WDFY2: variants seen among roughly 807,000 people sequenced by gnomAD.
WDFY2 encodes WD repeat and FYVE domain-containing protein 2.
In WDFY2, 36 loss-of-function variants were observed where a neutral mutation model predicts 56.4. That is an observed-to-expected ratio of 0.64 (90% CI 0.49 to 0.84). WDFY2 has a LOEUF of 0.84. WDFY2 is among the 40% of genes least tolerant of loss of function. WDFY2 has a pLI of 0.00. For synonymous variants in WDFY2, 176 were observed against 183.7 expected, an observed-to-expected ratio of 0.96 and a Z score of 0.34; for missense variants, 444 against 512.2, an observed-to-expected ratio of 0.87 and a Z score of 1.29.
intron 7 of WDFY2, among the ~76,000 whole-genome samples, chr13:51,747,985 CCTT>C (rs535450302): frequency 6.6e-5 from 10 of 152,074 alleles, no homozygotes; most frequent in South Asian, 2.1e-4. Flanking sequence ...TACAGTAAGA[CCTT>C]CTTCTTCAAA....
chr13:51,703,477 A>G, intron 3 of WDFY2, 119 bp from the exon 4 acceptor site: 1 of 729,498 alleles, frequency 1.4e-6, no homozygotes, highest in Non-Finnish European at 2.2e-6. Context: ...TTGATGGGCA[A>G]AATACTAATG....
intron 1 of WDFY2, among the ~76,000 whole-genome samples, chr13:51,594,868 T>G (rs1301061356): frequency 1.3e-5 from 2 of 152,242 alleles, no homozygotes; most frequent in Admixed American, 1.3e-4. Context: ...TTGTTTTATT[T>G]TTTGTTTATA....
At chr13:51,677,232 A>G (rs1955903820) in intron 3 of WDFY2, among the ~76,000 whole-genome samples, 1 of 152,218 alleles carries the variant, frequency 6.6e-6, no homozygotes, top group Non-Finnish European at 1.5e-5. Flanking sequence ...AACTTACTCC[A>G]GTCTTCTGAA....
rs547820989 is a variant in WDFY2, at chr13:51,722,123, A to G, written c.485+2775A>G. Among the ~76,000 whole-genome samples the G allele has an allele frequency of 2.6e-4, 39 of 151,854 alleles. No homozygotes were observed. In the South Asian group the frequency reaches 8.1e-3, roughly 32 times the overall value. On this transcript the variant is annotated intron_variant, in intron 5 of 11. Coordinates refer to ENST00000298125, the MANE Select transcript of WDFY2 (RefSeq NM_052950.4). The stretch of plus-strand genomic sequence containing the variant: ...GAATCAACATAAAAGATTATGAATA[A>G]TATCATTAACCCTATTTATCTTCAT...
At chr13:51,620,887 T>C (rs1438548416) in intron 1 of WDFY2, among the ~76,000 whole-genome samples, 2 of 152,156 alleles carry the variant, frequency 1.3e-5, no homozygotes, top group Non-Finnish European at 2.9e-5. Flanking sequence ...CCACTTCCTC[T>C]CTTGCCTCTG....
chr13:51,626,390 A>G (rs1409754432), intron 1 of WDFY2, among the ~76,000 whole-genome samples: 3 of 152,210 alleles, frequency 2.0e-5, no homozygotes, highest in Admixed American at 6.5e-5. Flanking sequence ...TCTGCTTACC[A>G]GAGGTGTTCT....
At chr13:51,596,728 A>G (rs1954157959) in intron 1 of WDFY2, among the ~76,000 whole-genome samples, 1 of 152,186 alleles carries the variant, frequency 6.6e-6, no homozygotes, top group Non-Finnish European at 1.5e-5. Flanking sequence ...ACAGATTGCT[A>G]CATTCCAGGG....
chr13:51,655,261 A>C (rs1489724767), intron 1 of WDFY2, among the ~76,000 whole-genome samples: 2 of 152,282 alleles, frequency 1.3e-5, no homozygotes, highest in African/African-American at 4.8e-5. Context: ...GATGAAATTG[A>C]GCATCCTTAT....
At chr13:51,652,322 GA>G (rs1317247611) in intron 1 of WDFY2, among the ~76,000 whole-genome samples, 1 of 152,154 alleles carries the variant, frequency 6.6e-6, no homozygotes, top group Non-Finnish European at 1.5e-5. Context: ...TGGGTTTCGT[GA>G]ATACAGCACA....
chr13:51,627,729 G>A (rs1954864374), intron 1 of WDFY2, among the ~76,000 whole-genome samples: 1 of 152,116 alleles, frequency 6.6e-6, no homozygotes, highest in Non-Finnish European at 1.5e-5. Flanking sequence ...GAGGCATGCA[G>A]GCAAGTGGAG....
intron 1 of WDFY2, among the ~76,000 whole-genome samples, chr13:51,640,886 C>A (rs554220806): frequency 2.0e-5 from 3 of 151,398 alleles, no homozygotes; most frequent in Admixed American, 6.6e-5. Flanking sequence ...CCTTCACACA[C>A]CTGCTGGGGA....
At chr13:51,724,480 G>A (rs1271813882) in intron 5 of WDFY2, among the ~76,000 whole-genome samples, 5 of 152,076 alleles carry the variant, frequency 3.3e-5, no homozygotes, top group African/African-American at 9.7e-5. Flanking sequence ...CTCGTGATCC[G>A]ACCGCCTCGG....
intron 1 of WDFY2, among the ~76,000 whole-genome samples, chr13:51,642,736 A>G (rs1418704777): frequency 1.5e-5 from 2 of 132,804 alleles, no homozygotes; most frequent in African/African-American, 5.8e-5. Flanking sequence ...GCTGAAGTGC[A>G]GTGGTGCAAT....
intron 4 of WDFY2, among the ~76,000 whole-genome samples, chr13:51,710,948 C>T (rs1177450814): frequency 6.6e-6 from 1 of 152,118 alleles, no homozygotes; most frequent in Non-Finnish European, 1.5e-5. Context: ...CTTTAAAGTT[C>T]ATATGGAACC....
rs866709019 is a variant in WDFY2 at position 51,710,554 on chromosome 13, A to C, written c.334+6904A>C. On this transcript the variant is annotated intron_variant, in intron 4 of 11. Transcript: ENST00000298125. The stretch of plus-strand genomic sequence containing the variant: ...CTAGAAAACCCCATTGTCTCAGCCC[A>C]AAATCTCCTTAAGCTGATAAGCAAC... Among the ~76,000 whole-genome samples, 775 of 152,340 alleles carry C rather than the reference A, an allele frequency of 5.1e-3. 6 individuals are homozygous for C. Among genetic ancestry groups the C allele is most frequent in the African/African-American group, 0.014 (592 of 41,568 alleles).
At position 51,610,164 on chromosome 13, in the gene WDFY2, T is replaced by G. The variant is rs553317007; in HGVS notation, c.137+25340T>G. 3.3e-5 allele frequency among the ~76,000 whole-genome samples: 5 copies of G among 152,016 alleles called. No individual in the cohort carries two copies. The South Asian group carries it at 6.2e-4, about 19-fold the overall frequency. On this transcript the variant is annotated intron_variant, in intron 1 of 11. Coordinates refer to ENST00000298125, the MANE Select transcript of WDFY2 (RefSeq NM_052950.4). ...AGTCTCATCCCTCATCTGAAGTGGC[T>G]TAGAGCTGGGAATGCCTTTTGAGTT...
chr13:51,758,281 G>C lies in WDFY2; in HGVS notation c.1154G>C (p.Gly385Ala). 6.3e-7 allele frequency: 1 copy of C among 1,593,472 alleles called. No individual in the cohort carries two copies. The highest frequency in any genetic ancestry group is 1.1e-5 in the South Asian group (1 of 89,210). The change falls in exon 11 of 12, where the codon GGA (glycine) becomes GCA (alanine). Residue 385 changes from glycine to alanine, a missense_variant. By Grantham distance (60) the Gly-to-Ala change is moderately conservative. Coordinates refer to ENST00000298125, the MANE Select transcript of WDFY2 (RefSeq NM_052950.4). ...DATRGWLLTS[G>A]TDKVIKLWDM... ...ACCAGAGGATGGTTACTGACTTCTG[G>C]AACTGACAAGGTTATTAAGGTAAGA... is the stretch of plus-strand genomic sequence containing the variant.
chr13:51,690,632 C>T (rs1422275154), intron 3 of WDFY2, among the ~76,000 whole-genome samples: 9 of 151,548 alleles, frequency 5.9e-5, no homozygotes, highest in African/African-American at 9.7e-5. Flanking sequence ...TCTTTGCTGT[C>T]GTGAATAATG....
Position 51,739,176 on chromosome 13 carries a change from G to A in WDFY2, c.725+1G>A. On this transcript the variant is annotated splice_donor_variant, in intron 7 of 11. Transcript: ENST00000298125. LOFTEE classifies it high-confidence loss of function. Reference sequence around the variant, plus strand: ...CAGCCATCGAGCTCCAAGGACACAAGTAAGGTTGCTGGTGCTTTCATAAAG... The same window carrying A: ...CAGCCATCGAGCTCCAAGGACACAAATAAGGTTGCTGGTGCTTTCATAAAG... 1 of 1,584,310 alleles carries A rather than the reference G, an allele frequency of 6.3e-7. No homozygotes were observed. Among genetic ancestry groups the A allele is most frequent in the South Asian group, 1.2e-5 (1 of 85,138 alleles).
Sources: allele counts gnomAD v4.1 joint callset (sites outside exome capture counted in the v4.1 genomes callset), GRCh38; gene constraint gnomAD v4.1.1; transcripts MANE v1.5; gene names NCBI Gene and HGNC (gene_info 2026-07-23, HGNC 2026-07-21).